The following NSD3 variants were observed in gnomAD, a reference collection of about 807,000 sequenced individuals.
NSD3 encodes the protein nuclear receptor binding SET domain protein 3.
In NSD3, 24 loss-of-function variants were observed where a neutral mutation model predicts 160.8. That is an observed-to-expected ratio of 0.15 (90% CI 0.11 to 0.21). The LOEUF (loss-of-function observed/expected upper bound fraction) is 0.21. Among genes scored for constraint, NSD3 ranks in the 10% least tolerant of loss-of-function variants. NSD3 has a pLI of 1.00. For missense variants in NSD3, 1,157 were observed against 1,735.9 expected (o/e 0.67, Z 5.93); for synonymous variants, 520 against 600.0 (o/e 0.87, Z 1.95).
chr8:38,327,922 C>T (rs1206491465), intron 6 of NSD3, among the ~76,000 whole-genome samples: 1 of 151,964 alleles, frequency 6.6e-6, no homozygotes, highest in Non-Finnish European at 1.5e-5. Context: ...ATTTTTTTGG[C>T]CAGGCACCGT....
intron 7 of NSD3, among the ~76,000 whole-genome samples, chr8:38,322,235 C>T (rs1323978671): frequency 3.3e-5 from 5 of 152,072 alleles, no homozygotes; most frequent in Non-Finnish European, 7.3e-5. Context: ...ATGAAGGATC[C>T]CACTACTTTG....
chr8:38,339,139 CA>C (rs200100394), intron 2 of NSD3, among the ~76,000 whole-genome samples: 129 of 98,390 alleles, frequency 1.3e-3, no homozygotes, highest in Middle Eastern at 5.6e-3. Flanking sequence ...GACTCTGTCT[CA>C]AAAAAAAAAA....
At chr8:38,375,312 G>A (rs1179053705) in intron 1 of NSD3, among the ~76,000 whole-genome samples, 1 of 150,170 alleles carries the variant, frequency 6.7e-6, no homozygotes, top group Non-Finnish European at 1.5e-5. Flanking sequence ...AGTTAATGAC[G>A]ATAAAGATCC....
chr8:38,274,136 A>G lies in NSD3; in HGVS notation c.*1505T>C, dbSNP rs1227994293. 3.3e-5 allele frequency: 5 copies of G among 152,254 alleles called. No homozygotes were observed. Among genetic ancestry groups the G allele is most frequent in the African/African-American group, 4.8e-5 (2 of 41,478 alleles). The allele number at this position is 152,254 out of a possible 1,614,324, so 9.4% of individuals were successfully genotyped here. On this transcript the variant is annotated 3_prime_UTR_variant, in exon 24 of 24. Transcript: ENST00000317025. ...AGGTACCAGCAATTGTAAGCAGTCA[A>G]AATTCACAGAGAAAGTTAACATTCA...
intron 1 of NSD3, among the ~76,000 whole-genome samples, chr8:38,350,015 T>C (rs944522482): frequency 1.3e-5 from 2 of 152,160 alleles, no homozygotes; most frequent in Non-Finnish European, 2.9e-5. Context: ...GGACATGAAC[T>C]TATCATTTTT....
At chr8:38,358,712 G>C (rs901341911) in intron 1 of NSD3, among the ~76,000 whole-genome samples, 2 of 152,028 alleles carry the variant, frequency 1.3e-5, no homozygotes, top group Non-Finnish European at 2.9e-5. Flanking sequence ...ATCACTTAAT[G>C]TTTCAGTGAT....
chr8:38,276,172 C>G, intron 23 of NSD3, 124 bp downstream of exon 23: 1 of 1,130,078 alleles, frequency 8.8e-7, no homozygotes, highest in South Asian at 1.6e-5. Flanking sequence ...TTTTTGCCAG[C>G]GTAATTTTTC....
intron 19 of NSD3, among the ~76,000 whole-genome samples, chr8:38,284,491 C>T (rs532352904): frequency 6.6e-6 from 1 of 152,302 alleles, no homozygotes; most frequent in South Asian, 2.1e-4. Context: ...TGGATTCAAG[C>T]GATTCTCCTG....
intron 1 of NSD3, among the ~76,000 whole-genome samples, chr8:38,368,113 G>A (rs1377264410): frequency 2.0e-5 from 3 of 152,096 alleles, no homozygotes; most frequent in African/African-American, 7.2e-5. Context: ...CCAAGTAGCT[G>A]GGATTACAGG....
chr8:38,367,167 T>C (rs553781180), intron 1 of NSD3, among the ~76,000 whole-genome samples: 20 of 152,292 alleles, frequency 1.3e-4, no homozygotes, highest in African/African-American at 4.1e-4. Flanking sequence ...TACTCTAACA[T>C]TGGTCTTAGA....
chr8:38,298,123 C>T (rs561138622), intron 15 of NSD3, among the ~76,000 whole-genome samples: 20 of 152,066 alleles, frequency 1.3e-4, no homozygotes, highest in Non-Finnish European at 2.5e-4. Flanking sequence ...TCAAGTTAAG[C>T]AAACAGAGGG....
intron 20 of NSD3, 90 bp downstream of exon 20, chr8:38,281,377 C>G (rs557679824): frequency 7.8e-6 from 5 of 643,098 alleles, no homozygotes; most frequent in Admixed American, 3.7e-5. Context: ...GAAGAAAAAT[C>G]AAATTAAAAG....
chr8:38,352,619 G>GTTTT (rs919245211), intron 1 of NSD3, among the ~76,000 whole-genome samples: 1 of 151,994 alleles, frequency 6.6e-6, no homozygotes, highest in African/African-American at 2.4e-5. Flanking sequence ...TTGTTTGTTT[G>GTTTT]TTTTGAGATA....
In NSD3 at chr8:38,321,307, G is replaced by A. The variant is rs182871447; in HGVS notation, c.1709-135C>T. The A allele has an allele frequency of 1.7e-5, 11 of 644,376 alleles. No homozygotes were observed. The highest frequency in any genetic ancestry group is 3.7e-5 in the African/African-American group (2 of 54,102). The allele number at this position is 644,376 out of a possible 1,614,324, so 39.9% of individuals were successfully genotyped here. A position where few individuals can be genotyped will look rare whatever the true frequency, so the allele number is the denominator to read the frequency against. On this transcript the variant is annotated intron_variant, in intron 7 of 23. Coordinates refer to ENST00000317025, the MANE Select transcript of NSD3 (RefSeq NM_023034.2). The surrounding 1 kb of genome is among the most constrained non-coding windows in gnomAD (Gnocchi z 4.7). ...ATTTTAATTAAAATCATTAAAAAATGCTAAACATTCAGGAGCATATAAATT... is the reference window on the plus strand; with the variant it reads ...ATTTTAATTAAAATCATTAAAAAATACTAAACATTCAGGAGCATATAAATT...
rs1808492768 is a variant in NSD3 at position 38,271,935 on chromosome 8, C to G, written c.*3706G>C. On this transcript the variant is annotated 3_prime_UTR_variant, in exon 24 of 24. Coordinates refer to ENST00000317025, the MANE Select transcript of NSD3 (RefSeq NM_023034.2). ...ATGAAATGAAAGACAAGCAACAAGT[C>G]CTGGGCAGTCCAGAGATTGTATTCT... 1 of 152,168 alleles carries G rather than the reference C, an allele frequency of 6.6e-6. No homozygotes were observed. Among genetic ancestry groups the G allele is most frequent in the Non-Finnish European group, 1.5e-5 (1 of 68,028 alleles). The allele number at this position is 152,168 out of a possible 1,614,324, so 9.4% of individuals were successfully genotyped here.
intron 1 of NSD3, among the ~76,000 whole-genome samples, chr8:38,368,943 TG>T (rs1811171590): frequency 6.6e-6 from 1 of 152,306 alleles, no homozygotes; most frequent in Non-Finnish European, 1.5e-5. Flanking sequence ...TATGGTAAAA[TG>T]GTTTGAGATT....
In NSD3 at chr8:38,272,000, A is replaced by C. The variant is rs779831106; in HGVS notation, c.*3641T>G. ...TTTGCAAACAGTAGGTCTGGGTTTG[A>C]CCTATTGGAATACACCATGCAAGAA... On this transcript the variant is annotated 3_prime_UTR_variant, in exon 24 of 24. Coordinates refer to ENST00000317025, the MANE Select transcript of NSD3 (RefSeq NM_023034.2). 26 of 152,162 alleles carry C rather than the reference A, an allele frequency of 1.7e-4. No individual in the cohort carries two copies. Among genetic ancestry groups the C allele is most frequent in the Non-Finnish European group, 1.3e-4 (9 of 68,030 alleles). 9.4% of individuals were successfully genotyped at this position (152,162 alleles called of 1,614,324 possible). A position where few individuals can be genotyped will look rare whatever the true frequency, so the allele number is the denominator to read the frequency against.
intron 22 of NSD3, chr8:38,276,794 C>G (rs986267338): frequency 1.3e-5 from 5 of 390,442 alleles, no homozygotes; most frequent in African/African-American, 2.1e-5. Context: ...AAGCAATCCT[C>G]TTGTCTCAGC....
Position 38,317,248 on chromosome 8 carries a change from C to T in NSD3, c.1856-1206G>A. The T allele has an allele frequency of 6.6e-6, 7 of 1,061,520 alleles. No homozygotes were observed. Among genetic ancestry groups the T allele is most frequent in the African/African-American group, 1.6e-5 (1 of 60,944 alleles). 65.8% of individuals were successfully genotyped at this position (1,061,520 alleles called of 1,614,324 possible). On this transcript the variant is annotated intron_variant, in intron 9 of 23. Coordinates refer to ENST00000317025, the MANE Select transcript of NSD3 (RefSeq NM_023034.2). The surrounding 1 kb of genome is among the most constrained non-coding windows in gnomAD (Gnocchi z 5.3). ...ATCACATCCCATTCTACAAGTTTTT[C>T]ACTGAATGTTTCCTGACATCTATAA...
Sources: gnomAD v4.1 joint callset for allele counts (sites outside exome capture counted in the v4.1 genomes callset) on GRCh38, gnomAD v4.1.1 for gene constraint, Gnocchi (gnomAD v3.1) non-coding constraint, MANE v1.5 for transcripts, NCBI Gene and HGNC (gene_info 2026-07-23, HGNC 2026-07-21) for gene names.